The following CSF2RA variants were observed in gnomAD, a reference collection of about 807,000 sequenced individuals.
CSF2RA encodes the protein colony stimulating factor 2 receptor subunit alpha, also known as granulocyte-macrophage colony-stimulating factor receptor subunit alpha.
Under a neutral mutation model 51.6 loss-of-function variants are expected in CSF2RA, and 42 were observed. The observed-to-expected ratio is 0.81, with a 90% CI of 0.64 to 1.05. CSF2RA has a LOEUF of 1.05. Among genes scored for constraint, CSF2RA ranks in the 50% least tolerant of loss-of-function variants. The pLI is 0.00. For missense variants in CSF2RA, 530 were observed against 501.1 expected, an observed-to-expected ratio of 1.06 and a Z score of -0.55; for synonymous variants, 222 against 193.0, an observed-to-expected ratio of 1.15 and a Z score of -1.24.
the CSF2RA span, among the ~76,000 whole-genome samples, chrX:1,317,195 G>C: frequency 6.9e-6 from 1 of 145,428 alleles, no homozygotes; most frequent in Non-Finnish European, 1.5e-5. Context: ...TGATCTGCCT[G>C]CCTCGGCCTC....
intron 7 of CSF2RA, among the ~76,000 whole-genome samples, chrX:1,293,517 C>T (rs779895066): frequency 2.7e-4 from 39 of 141,876 alleles, no homozygotes; most frequent in African/African-American, 9.8e-4. Flanking sequence ...CCGCGCCCAG[C>T]CCCCTGATCT....
chrX:1,288,900 C>T lies in CSF2RA; in HGVS notation c.473+12C>T, dbSNP rs769676035. The T allele has an allele frequency of 2.3e-4, 360 of 1,574,938 alleles. 2 individuals carry two copies. In the South Asian group the frequency reaches 3.7e-3, roughly 16 times the overall value. ...ATACGAAACTCAAAGTAAGTGTTCA[C>T]CTCATGTGAAGAATTATGAGGAATG... is the stretch of plus-strand genomic sequence containing the variant. On this transcript the variant is annotated intron_variant, in intron 6 of 12. Coordinates refer to ENST00000381529, the MANE Select transcript of CSF2RA (RefSeq NM_172245.4).
chrX:1,284,978 A>C (rs1239917842), intron 3 of CSF2RA, among the ~76,000 whole-genome samples: 1 of 151,768 alleles, frequency 6.6e-6, no homozygotes, highest in African/African-American at 2.4e-5. Flanking sequence ...GTTTTTGATG[A>C]TTTCTGCAGT....
chrX:1,297,722 C>A (rs2092059020), intron 9 of CSF2RA, among the ~76,000 whole-genome samples: 1 of 68,516 alleles, frequency 1.5e-5, no homozygotes, highest in East Asian at 4.0e-4. Flanking sequence ...TGGAGTAACC[C>A]TACAGTCCCC....
At chrX:1,283,632 A>G (rs28563092) in intron 3 of CSF2RA, among the ~76,000 whole-genome samples, 13,306 of 150,390 alleles carry the variant, frequency 0.088, 1,888 homozygotes, top group African/African-American at 0.3. Context: ...CAATGGCTCA[A>G]TCTCAGCTCA....
intron 2 of CSF2RA, among the ~76,000 whole-genome samples, chrX:1,279,313 G>A (rs2148145342): frequency 6.6e-6 from 1 of 152,090 alleles, no homozygotes; most frequent in South Asian, 2.1e-4. Flanking sequence ...TGGCACCACT[G>A]CACTCCAGCC....
chrX:1,319,155 C>G, the CSF2RA span, among the ~76,000 whole-genome samples: 1 of 148,196 alleles, frequency 6.7e-6, no homozygotes, highest in South Asian at 2.3e-4. Context: ...GCCACCACGC[C>G]TGGCTAATTT....
intron 10 of CSF2RA, among the ~76,000 whole-genome samples, chrX:1,301,171 A>C (rs1358640161): frequency 6.7e-6 from 1 of 150,036 alleles, no homozygotes; most frequent in African/African-American, 2.5e-5. Flanking sequence ...AAAGAAAAAA[A>C]AATACAAAAA....
At chrX:1,280,164 G>T (rs190016277) in intron 2 of CSF2RA, among the ~76,000 whole-genome samples, 108 of 152,128 alleles carry the variant, frequency 7.1e-4, no homozygotes, top group Non-Finnish European at 1.2e-3. Flanking sequence ...ACCAGGTGCA[G>T]ATGCTTGAAC....
chrX:1,269,642 AAAAAGAGAT>A lies in CSF2RA; in HGVS notation c.-91+764_-91+772del, dbSNP rs1569486170. Among the ~76,000 whole-genome samples the A allele has an allele frequency of 8.4e-5, 12 of 142,492 alleles. No homozygotes were observed. In the East Asian group the frequency reaches 2.5e-3, roughly 29 times the overall value. The allele number at this position is 142,492 out of a possible 152,430, so 93.5% of individuals were successfully genotyped here. A position where few individuals can be genotyped will look rare whatever the true frequency, so the allele number is the denominator to read the frequency against. The stretch of plus-strand genomic sequence containing the variant: ...TGTCTCAAAAAAAAGAAAAAGAAAA[AAAAAGAGAT>A]GAAAAGAGATGAACGCAGAGCTGAA... On this transcript the variant is annotated intron_variant, in intron 1 of 12. Transcript: ENST00000381529.
At chrX:1,315,278 A>T (rs1393706297), downstream of CSF2RA, among the ~76,000 whole-genome samples, 2 of 152,124 alleles carry the variant, frequency 1.3e-5, no homozygotes, top group African/African-American at 4.8e-5. Flanking sequence ...AGACAGATAG[A>T]TGATTGATAG....
chrX:1,308,144 C>G (rs2083867099), intron 12 of CSF2RA, among the ~76,000 whole-genome samples: 1 of 152,158 alleles, frequency 6.6e-6, no homozygotes, highest in Non-Finnish European at 1.5e-5. Flanking sequence ...TCCTGGAAAT[C>G]AGCTGATTGT....
the CSF2RA span, among the ~76,000 whole-genome samples, chrX:1,316,253 A>AGATAGAT: frequency 8.0e-6 from 1 of 125,072 alleles, no homozygotes; most frequent in Non-Finnish European, 1.6e-5. Flanking sequence ...ATGATAGATT[A>AGATAGAT]GATAGATGAT....
rs749545372 is a variant in CSF2RA at position 1,309,610 on chromosome X, G to A, written c.*131G>A. The A allele has an allele frequency of 2.7e-5, 44 of 1,611,990 alleles. No individual in the cohort carries two copies. Among genetic ancestry groups the A allele is most frequent in the Non-Finnish European group, 3.6e-5 (42 of 1,178,178 alleles). On this transcript the variant is annotated 3_prime_UTR_variant, in exon 13 of 13. Transcript: ENST00000381529. ...TTTAAAAACATGACATTTGGGGCCA[G>A]GCGCGGTGGCTCACGCCTGTAATCC...
At chrX:1,286,546 G>C (rs1376442559) in intron 4 of CSF2RA, among the ~76,000 whole-genome samples, 3 of 150,314 alleles carry the variant, frequency 2.0e-5, no homozygotes, top group African/African-American at 7.4e-5. Flanking sequence ...TCCAGCCTGG[G>C]CAACAAGAGC....
chrX:1,322,743 G>A, the CSF2RA span, among the ~76,000 whole-genome samples: 8 of 151,884 alleles, frequency 5.3e-5, no homozygotes, highest in African/African-American at 1.9e-4. Flanking sequence ...ATTGTAGTGC[G>A]TTGAACAGTG....
chrX:1,283,660 C>T (rs1214127261), intron 3 of CSF2RA, among the ~76,000 whole-genome samples: 3 of 151,468 alleles, frequency 2.0e-5, no homozygotes, highest in African/African-American at 4.9e-5. Flanking sequence ...CTCAGCCTCC[C>T]GGGTTCAAGC....
the CSF2RA span, among the ~76,000 whole-genome samples, chrX:1,318,969 A>G: frequency 9.3e-5 from 14 of 150,198 alleles, no homozygotes; most frequent in African/African-American, 3.4e-4. Flanking sequence ...CCTGGTGATG[A>G]TGATCCTTTA....
downstream of CSF2RA, among the ~76,000 whole-genome samples, chrX:1,312,350 A>T (rs2084226506): frequency 6.6e-6 from 1 of 152,158 alleles, no homozygotes; most frequent in Non-Finnish European, 1.5e-5. Flanking sequence ...AGCATTCTGT[A>T]ATGTGTCCAC....
Sources: gnomAD v4.1 joint callset for allele counts (sites outside exome capture counted in the v4.1 genomes callset) on GRCh38, gnomAD v4.1.1 for gene constraint, MANE v1.5 for transcripts, NCBI Gene and HGNC (gene_info 2026-07-23, HGNC 2026-07-21) for gene names.